Variants in TAFA1 observed in about 807,000 individuals in gnomAD.
TAFA1 encodes the protein TAFA chemokine like family member 1.
A neutral mutation model predicts 18.5 loss-of-function variants in TAFA1; 4 were observed. That is an observed-to-expected ratio of 0.22 (90% CI 0.11 to 0.49). The LOEUF (loss-of-function observed/expected upper bound fraction) is 0.49. Among genes scored for constraint, TAFA1 ranks in the 20% least tolerant of loss-of-function variants. TAFA1 has a pLI of 0.98. For missense variants in TAFA1, 147 were observed against 169.0 expected (o/e 0.87, Z 0.72); for synonymous variants, 56 against 55.2 (o/e 1.01, Z -0.06).
chr3:68,402,330 C>T (rs1339218797), intron 2 of TAFA1, among the ~76,000 whole-genome samples: 1 of 152,198 alleles, frequency 6.6e-6, no homozygotes, highest in East Asian at 1.9e-4. Context: ...AGCTTAGCCT[C>T]TGCCTGGTGG....
intron 3 of TAFA1, among the ~76,000 whole-genome samples, chr3:68,534,786 A>G (rs1276129287): frequency 6.6e-6 from 1 of 152,156 alleles, no homozygotes; most frequent in Non-Finnish European, 1.5e-5. Flanking sequence ...TTAAGACAAA[A>G]GGAAACTGCT....
chr3:68,312,922 G>T (rs1386025727), intron 2 of TAFA1, among the ~76,000 whole-genome samples: 1 of 152,152 alleles, frequency 6.6e-6, no homozygotes, highest in African/African-American at 2.4e-5. Flanking sequence ...CCACATGGCT[G>T]GGGAAGCCTC....
intron 2 of TAFA1, among the ~76,000 whole-genome samples, chr3:68,414,531 A>ACCC (rs973738547): frequency 2.6e-5 from 4 of 152,166 alleles, no homozygotes; most frequent in African/African-American, 9.6e-5. Context: ...AAGTTATTTA[A>ACCC]CCCCTCTGAG....
chr3:68,237,291 C>A (rs192993879), intron 2 of TAFA1, among the ~76,000 whole-genome samples: 1 of 152,116 alleles, frequency 6.6e-6, no homozygotes, highest in Non-Finnish European at 1.5e-5. Flanking sequence ...CGTAAAGGCA[C>A]TAGTCACATT....
At chr3:68,049,895 C>T (rs867215668) in intron 2 of TAFA1, among the ~76,000 whole-genome samples, 2 of 152,052 alleles carry the variant, frequency 1.3e-5, no homozygotes, top group African/African-American at 4.8e-5. Context: ...ATGCGTTTAT[C>T]CTGCTTTGTA....
At chr3:68,409,998 C>T (rs986632726) in intron 2 of TAFA1, among the ~76,000 whole-genome samples, 3 of 152,148 alleles carry the variant, frequency 2.0e-5, no homozygotes. Context: ...TATTTCCTCA[C>T]TTGTACAGCT....
intron 2 of TAFA1, among the ~76,000 whole-genome samples, chr3:68,412,867 T>C (rs977321615): frequency 2.6e-4 from 40 of 152,140 alleles, no homozygotes; most frequent in African/African-American, 9.6e-4. Context: ...AGCAGCATGA[T>C]TTATAGTCCT....
intron 2 of TAFA1, among the ~76,000 whole-genome samples, chr3:68,108,587 G>A (rs115296463): frequency 1.3e-5 from 2 of 152,066 alleles, no homozygotes; most frequent in Middle Eastern, 3.4e-3. Flanking sequence ...TGGGATTAAG[G>A]TTCCTGGAAA....
At chr3:68,341,556 G>C (rs1006276500) in intron 2 of TAFA1, among the ~76,000 whole-genome samples, 4 of 152,168 alleles carry the variant, frequency 2.6e-5, no homozygotes, top group Non-Finnish European at 5.9e-5. Context: ...TACAAAGGCA[G>C]ACTGGTCCCC....
intron 2 of TAFA1, among the ~76,000 whole-genome samples, chr3:68,147,033 GTGTGTGTA>G (rs1452646794): frequency 1.3e-5 from 2 of 150,134 alleles, no homozygotes; most frequent in Non-Finnish European, 3.0e-5. Context: ...GTGTGTGTGT[GTGTGTGTA>G]TATATATATA....
intron 2 of TAFA1, among the ~76,000 whole-genome samples, chr3:68,124,439 T>A (rs2065440300): frequency 1.3e-5 from 2 of 152,194 alleles, no homozygotes; most frequent in Non-Finnish European, 2.9e-5. Flanking sequence ...TCTCTGAGAC[T>A]GTATATAAAA....
intron 2 of TAFA1, among the ~76,000 whole-genome samples, chr3:68,298,924 T>C (rs1262889626): frequency 6.6e-6 from 1 of 152,218 alleles, no homozygotes. Flanking sequence ...GCTAGAAAGA[T>C]ACCTGAAAAT....
intron 3 of TAFA1, among the ~76,000 whole-genome samples, chr3:68,494,539 C>T (rs1369123100): frequency 6.6e-6 from 1 of 152,124 alleles, no homozygotes; most frequent in Non-Finnish European, 1.5e-5. Flanking sequence ...TAATAAGCCT[C>T]CCAGAGAACT....
At chr3:68,408,596 A>G (rs1432483974) in intron 2 of TAFA1, among the ~76,000 whole-genome samples, 1 of 151,896 alleles carries the variant, frequency 6.6e-6, no homozygotes, top group African/African-American at 2.4e-5. Flanking sequence ...TTCCCTTTAC[A>G]TTCCACATAT....
At chr3:68,214,049 G>A (rs567655211) in intron 2 of TAFA1, among the ~76,000 whole-genome samples, 17 of 152,182 alleles carry the variant, frequency 1.1e-4, no homozygotes, top group South Asian at 6.2e-4. Context: ...CCACTGGGCT[G>A]TGTCAAAGCT....
At chr3:68,082,057 G>A (rs969751931) in intron 2 of TAFA1, among the ~76,000 whole-genome samples, 11 of 152,200 alleles carry the variant, frequency 7.2e-5, no homozygotes, top group Admixed American at 2.6e-4. Context: ...CAGTACTCGG[G>A]TGGGAGTGAC....
intron 2 of TAFA1, among the ~76,000 whole-genome samples, chr3:68,395,938 T>TATAATA (rs533227192): frequency 0.011 from 1,610 of 151,090 alleles, 30 homozygotes; most frequent in African/African-American, 0.037. Flanking sequence ...GAACTTAAAG[T>TATAATA]ATAATAATAA....
At chr3:68,145,287 C>A (rs1205022791) in intron 2 of TAFA1, 13 of 789,048 alleles carry the variant, frequency 1.6e-5, no homozygotes, top group Non-Finnish European at 2.8e-5. Context: ...ACCATCAACG[C>A]TCATCAGTGG....
At chr3:68,172,057 C>G (rs1275333413) in intron 2 of TAFA1, among the ~76,000 whole-genome samples, 2 of 152,120 alleles carry the variant, frequency 1.3e-5, no homozygotes, top group African/African-American at 4.8e-5. Context: ...AAATAAGAGT[C>G]TAAGTCTTCC....
Sources: gnomAD v4.1 joint callset for allele counts (sites outside exome capture counted in the v4.1 genomes callset) on GRCh38, gnomAD v4.1.1 for gene constraint, MANE v1.5 for transcripts, NCBI Gene and HGNC (gene_info 2026-07-23, HGNC 2026-07-21) for gene names.